Variants in UGT1A5 observed in about 807,000 individuals in gnomAD.
The protein encoded by UGT1A5 is UDP-glucuronosyltransferase 1A5.
UGT1A5 carries 29 observed loss-of-function variants against 40.3 expected under a neutral mutation model. The ratio of observed to expected loss-of-function variants is 0.72; its 90% CI spans 0.54 to 0.98. The LOEUF (loss-of-function observed/expected upper bound fraction) is 0.98, where lower values mean the gene tolerates loss of function less well. UGT1A5 is among the 50% of genes least tolerant of loss of function. UGT1A5 has a pLI of 0.00. For missense variants in UGT1A5, 678 were observed against 677.9 expected (o/e 1.00, Z 0.00); for synonymous variants, 257 against 262.5 (o/e 0.98, Z 0.20).
intron 1 of UGT1A5, chr2:233,755,008 C>T (rs1695684715): frequency 3.1e-6 from 4 of 1,292,406 alleles, no homozygotes; most frequent in African/African-American, 1.5e-5. Context: ...AAGACCTACT[C>T]GAAGGGGTCC....
chr2:233,745,596 G>T (rs1207233970), intron 1 of UGT1A5, among the ~76,000 whole-genome samples: 1 of 151,570 alleles, frequency 6.6e-6, no homozygotes, highest in Non-Finnish European at 1.5e-5. Context: ...ACCCGGACTT[G>T]GCACTTGGTA....
rs112085732 is a variant in UGT1A5 at position 233,747,405 on chromosome 2, G to T, written c.868-19629G>T. The T allele has an allele frequency of 4.4e-6, 7 of 1,607,054 alleles. No homozygotes were observed. In the African/African-American group the frequency reaches 6.7e-5, roughly 15 times the overall value. ...CCAGGCGGTGGTCCTCACCCCAGAG[G>T]TGAATATGCACATCAAACAAGAGAA... On this transcript the variant is annotated intron_variant, in intron 1 of 4. Coordinates refer to ENST00000373414, the MANE Select transcript of UGT1A5 (RefSeq NM_019078.2).
rs60469444 is a variant in UGT1A5, at chr2:233,743,994, T to G, written c.868-23040T>G. ...GCCAGCACCCAGGCGCAGGCCCGAG[T>G]GCTCGGAGACCTGGGCCGCCTGGAG... On this transcript the variant is annotated intron_variant, in intron 1 of 4. Coordinates refer to ENST00000373414, the MANE Select transcript of UGT1A5 (RefSeq NM_019078.2). 3 of 1,253,056 alleles carry G rather than the reference T, an allele frequency of 2.4e-6. No individual in the cohort carries two copies. In the African/African-American group the frequency reaches 4.7e-5, roughly 20 times the overall value. The allele number at this position is 1,253,056 out of a possible 1,614,324, so 77.6% of individuals were successfully genotyped here. A position where few individuals can be genotyped will look rare whatever the true frequency, so the allele number is the denominator to read the frequency against.
chr2:233,768,231 A>T lies in UGT1A5; in HGVS notation c.1099A>T (p.Thr367Ser). ...PQNDLLGHPM[T>S]RAFITHAGSH... ...ATTTTGCATCTCAGGTCACCCGATG[A>T]CCCGTGCCTTTATCACCCATGCTGG... The change falls in exon 4 of 5, where the codon ACC (threonine) becomes TCC (serine). Residue 367 changes from threonine to serine, a missense_variant. Physicochemically the swap from Thr to Ser is moderately conservative, Grantham distance 58. Coordinates refer to ENST00000373414, the MANE Select transcript of UGT1A5 (RefSeq NM_019078.2). 1 of 1,614,162 alleles carries T rather than the reference A, an allele frequency of 6.2e-7. No individual in the cohort carries two copies. Among genetic ancestry groups the T allele is most frequent in the Middle Eastern group, 1.6e-4 (1 of 6,062 alleles).
chr2:233,753,154 C>T lies in UGT1A5; in HGVS notation c.868-13880C>T, dbSNP rs369458076. On this transcript the variant is annotated intron_variant, in intron 1 of 4. Transcript: ENST00000373414. The stretch of plus-strand genomic sequence containing the variant: ...TGAGTATCTTCACACATGTAAGTTC[C>T]CTTATCCGGATCACTAAAAAATGAA... 1.2e-4 allele frequency: 18 copies of T among 152,308 alleles called. No homozygotes were observed. The South Asian group carries it at 1.9e-3, about 16-fold the overall frequency. 9.4% of individuals were successfully genotyped at this position (152,308 alleles called of 1,614,324 possible). A position where few individuals can be genotyped will look rare whatever the true frequency, so the allele number is the denominator to read the frequency against.
intron 1 of UGT1A5, chr2:233,718,888 A>G (rs1440717664): frequency 6.2e-7 from 1 of 1,613,998 alleles, no homozygotes; most frequent in Non-Finnish European, 8.5e-7. Context: ...CTCAGTGTCC[A>G]GCCCTGGGCT....
chr2:233,757,196 T>A (rs1166696212), intron 1 of UGT1A5, among the ~76,000 whole-genome samples: 4 of 150,888 alleles, frequency 2.7e-5, no homozygotes, highest in Admixed American at 6.6e-5. Flanking sequence ...CTCTGAATTT[T>A]CTGTGCCCAG....
intron 1 of UGT1A5, among the ~76,000 whole-genome samples, chr2:233,757,259 G>T (rs1043917928): frequency 2.0e-5 from 3 of 146,774 alleles, no homozygotes; most frequent in African/African-American, 7.6e-5. Context: ...TTATTCAGGT[G>T]GCAGCCGATG....
intron 1 of UGT1A5, among the ~76,000 whole-genome samples, chr2:233,724,378 G>A (rs1437497782): frequency 1.4e-5 from 2 of 146,678 alleles, no homozygotes; most frequent in East Asian, 2.1e-4. Flanking sequence ...TGGCTGCCGG[G>A]CGGAGACGCT....
intron 1 of UGT1A5, among the ~76,000 whole-genome samples, chr2:233,724,190 G>T (rs1456907439): frequency 1.6e-5 from 2 of 128,342 alleles, no homozygotes; most frequent in Non-Finnish European, 3.3e-5. Flanking sequence ...CCCGGACGGG[G>T]TGGCTGGCCG....
At chr2:233,747,948 G>T in intron 1 of UGT1A5, 1 of 1,613,450 alleles carries the variant, frequency 6.2e-7, no homozygotes, top group South Asian at 1.1e-5. Flanking sequence ...GGTGTCAGTG[G>T]TGGATCTTCT....
chr2:233,752,822 A>T (rs1200323713), intron 1 of UGT1A5, among the ~76,000 whole-genome samples: 1 of 152,248 alleles, frequency 6.6e-6, no homozygotes, highest in East Asian at 1.9e-4. Flanking sequence ...CCCATTTATG[A>T]CATCAGTAAT....
chr2:233,721,741 A>C, intron 1 of UGT1A5: 1 of 434,764 alleles, frequency 2.3e-6, no homozygotes, highest in Non-Finnish European at 4.6e-6. Context: ...CTTAATGATG[A>C]GAGAATCTAC....
intron 1 of UGT1A5, chr2:233,743,663 T>A (rs200311210): frequency 3.0e-5 from 41 of 1,366,854 alleles, no homozygotes; most frequent in Non-Finnish European, 3.9e-5. Context: ...CTCGAAGGGG[T>A]CCTCGAAGGG....
intron 1 of UGT1A5, among the ~76,000 whole-genome samples, chr2:233,757,540 A>ATATATATATATATATATATATATATG (rs1696599685): frequency 2.6e-5 from 3 of 116,538 alleles, no homozygotes; most frequent in Non-Finnish European, 5.4e-5. Flanking sequence ...TAAGGAATAT[A>ATATATATATATATATATATATATATG]TATATATATA....
chr2:233,751,877 G>T (rs567472475), intron 1 of UGT1A5, among the ~76,000 whole-genome samples: 1 of 152,132 alleles, frequency 6.6e-6, no homozygotes, highest in Admixed American at 6.5e-5. Flanking sequence ...ACCCCGTCTT[G>T]GGTATGTCTT....
intron 1 of UGT1A5, chr2:233,752,532 T>G (rs1694995506): frequency 6.6e-6 from 1 of 152,250 alleles, no homozygotes; most frequent in African/African-American, 2.4e-5. Context: ...AAAAATTCTT[T>G]AAATAAAATG....
At position 233,772,301 on chromosome 2, in the gene UGT1A5, G is replaced by A. The variant is rs1384880194; in HGVS notation, c.1347G>A (p.Lys449=). ...TCATGCGCCTCTCCAGCCTTCACAA[G>A]GACCGCCCGGTGGAGCCGCTGGACC... ...ENIMRLSSLH[K]DRPVEPLDLA... The change falls in exon 5 of 5, where the codon AAG becomes AAA. Residue 449 remains lysine (K), a synonymous_variant. Transcript: ENST00000373414. The A allele has an allele frequency of 3.7e-6, 6 of 1,614,106 alleles. No individual in the cohort carries two copies. The highest frequency in any genetic ancestry group is 5.1e-6 in the Non-Finnish European group (6 of 1,180,054).
intron 1 of UGT1A5, chr2:233,747,274 A>G: frequency 6.3e-7 from 1 of 1,599,206 alleles, no homozygotes; most frequent in Admixed American, 1.7e-5. Flanking sequence ...ACTCCTTCTC[A>G]GTGCCCAGCC....
Sources: gnomAD v4.1 joint callset for allele counts (sites outside exome capture counted in the v4.1 genomes callset) on GRCh38, gnomAD v4.1.1 for gene constraint, MANE v1.5 for transcripts, NCBI Gene and HGNC (gene_info 2026-07-23, HGNC 2026-07-21) for gene names.